The following METTL15 variants were observed in gnomAD, a reference collection of about 807,000 sequenced individuals.
METTL15 encodes 12S rRNA N(4)-cytidine methyltransferase METTL15.
A neutral mutation model predicts 38.3 loss-of-function variants in METTL15; 34 were observed. The ratio of observed to expected loss-of-function variants is 0.89; its 90% confidence interval spans 0.68 to 1.18. METTL15 has a LOEUF of 1.18. Among genes scored for constraint, METTL15 ranks in the 50% most tolerant of loss-of-function variants. The probability of loss-of-function intolerance (pLI) is 0.00; values close to 1 mark genes in which losing one functional copy is unlikely to be tolerated. For synonymous variants in METTL15, 162 were observed against 170.9 expected, an observed-to-expected ratio of 0.95 and a Z score of 0.41; for missense variants, 438 against 498.4, an observed-to-expected ratio of 0.88 and a Z score of 1.15.
At chr11:28,122,243 G>T in intron 3 of METTL15, 1 of 1,107,506 alleles carries the variant, frequency 9.0e-7, no homozygotes. Context: ...AAAATGCTTT[G>T]TTCATATCAT....
At chr11:28,452,496 A>G (rs1198038361) in intron 6 of METTL15, among the ~76,000 whole-genome samples, 1 of 152,230 alleles carries the variant, frequency 6.6e-6, no homozygotes, top group Non-Finnish European at 1.5e-5. Context: ...TATGTGATAC[A>G]TAACAGGGTA....
intron 6 of METTL15, among the ~76,000 whole-genome samples, chr11:28,435,524 C>T (rs2133435616): frequency 6.6e-6 from 1 of 152,294 alleles, no homozygotes; most frequent in South Asian, 2.1e-4. Context: ...TGGCATGTCT[C>T]TTCCACTTTT....
intron 5 of METTL15, among the ~76,000 whole-genome samples, chr11:28,397,332 A>G (rs1239645775): frequency 6.6e-6 from 1 of 152,100 alleles, no homozygotes; most frequent in Non-Finnish European, 1.5e-5. Context: ...AAATTTTTGC[A>G]ATCTACTCAT....
intron 3 of METTL15, chr11:28,134,478 C>G (rs1003925798): frequency 7.5e-6 from 3 of 398,086 alleles, no homozygotes; most frequent in Non-Finnish European, 1.3e-5. Context: ...GTTGGAGGTT[C>G]TCCAGGGATC....
At chr11:28,296,450 G>A (rs886188100) in intron 5 of METTL15, among the ~76,000 whole-genome samples, 1 of 152,026 alleles carries the variant, frequency 6.6e-6, no homozygotes, top group African/African-American at 2.4e-5. Flanking sequence ...CATTGTTTTA[G>A]TTTGAGAAAA....
chr11:28,197,155 G>T (rs984498638), intron 3 of METTL15, among the ~76,000 whole-genome samples: 1 of 151,718 alleles, frequency 6.6e-6, no homozygotes, highest in African/African-American at 2.4e-5. Context: ...TAATTTTGCC[G>T]TAGTTCAGAT....
At chr11:28,391,139 TG>T (rs1564917218) in intron 5 of METTL15, among the ~76,000 whole-genome samples, 1 of 152,056 alleles carries the variant, frequency 6.6e-6, no homozygotes, top group Non-Finnish European at 1.5e-5. Context: ...GCTGAGACAA[TG>T]GGGTTTTCTA....
chr11:28,414,917 T>C (rs958746090), intron 5 of METTL15, among the ~76,000 whole-genome samples: 2 of 152,174 alleles, frequency 1.3e-5, no homozygotes, highest in African/African-American at 2.4e-5. Flanking sequence ...AGAAAATACA[T>C]TGTGTTGTGA....
chr11:28,250,596 A>G (rs1854701276), intron 4 of METTL15, among the ~76,000 whole-genome samples: 2 of 151,550 alleles, frequency 1.3e-5, no homozygotes. Flanking sequence ...TTCCTACATC[A>G]TTTGCTTCTT....
intron 3 of METTL15, among the ~76,000 whole-genome samples, chr11:28,210,833 G>A (rs1022944857): frequency 6.6e-6 from 1 of 152,016 alleles, no homozygotes; most frequent in East Asian, 1.9e-4. Flanking sequence ...TAGCCAGTCT[G>A]TGTTAGAGGT....
intron 6 of METTL15, among the ~76,000 whole-genome samples, chr11:28,448,821 T>C (rs1273386077): frequency 1.3e-5 from 2 of 151,626 alleles, no homozygotes; most frequent in Non-Finnish European, 1.5e-5. Flanking sequence ...AGTTAATAGA[T>C]GGCAAAAGCT....
rs561129347 is a variant in METTL15 at position 28,413,404 on chromosome 11, T to TA, written c.*359-10888dup. ...GATTTTGGAAAGACACATTTCCACT[T>TA]AAAAAAAGATTTATATTCGTTTCCT... is the stretch of plus-strand genomic sequence containing the variant. On this transcript the variant is annotated intron_variant and NMD_transcript_variant, in intron 5 of 7. Coordinates refer to the METTL15 transcript ENST00000532947. 7.2e-5 allele frequency among the ~76,000 whole-genome samples: 11 copies of TA among 152,240 alleles called. No homozygotes were observed. The South Asian group carries it at 2.3e-3, about 32-fold the overall frequency.
At chr11:28,127,602 C>T (rs1852551238) in intron 3 of METTL15, among the ~76,000 whole-genome samples, 1 of 152,086 alleles carries the variant, frequency 6.6e-6, no homozygotes, top group Non-Finnish European at 1.5e-5. Flanking sequence ...CCAAAACACC[C>T]ACATGCTGAT....
chr11:28,178,553 C>T (rs1462128303), intron 3 of METTL15, among the ~76,000 whole-genome samples: 4 of 151,810 alleles, frequency 2.6e-5, no homozygotes, highest in Non-Finnish European at 5.9e-5. Flanking sequence ...ATTATCATTA[C>T]TCTTTCCCTA....
intron 3 of METTL15, among the ~76,000 whole-genome samples, chr11:28,199,321 A>G (rs778691032): frequency 2.4e-4 from 36 of 152,136 alleles, no homozygotes; most frequent in Non-Finnish European, 4.3e-4. Flanking sequence ...GCCCTCTTAC[A>G]TTAAGTAGCT....
At chr11:28,369,100 A>G (rs1333910443) in intron 5 of METTL15, among the ~76,000 whole-genome samples, 1 of 152,088 alleles carries the variant, frequency 6.6e-6, no homozygotes, top group Admixed American at 6.5e-5. Context: ...CTGTATACCT[A>G]TGTAGCAAAA....
At chr11:28,175,867 A>G (rs1171976670) in intron 3 of METTL15, among the ~76,000 whole-genome samples, 1 of 152,114 alleles carries the variant, frequency 6.6e-6, no homozygotes, top group African/African-American at 2.4e-5. Flanking sequence ...CGTGCCCTCA[A>G]GAATCTCATA....
At chr11:28,412,421 G>A (rs1420464177) in intron 5 of METTL15, among the ~76,000 whole-genome samples, 1 of 151,658 alleles carries the variant, frequency 6.6e-6, no homozygotes. Context: ...GAGAGACAGA[G>A]AGAGAGAGAG....
At chr11:28,314,758 G>A (rs1456672241) in intron 6 of METTL15, among the ~76,000 whole-genome samples, 1 of 152,152 alleles carries the variant, frequency 6.6e-6, no homozygotes, top group African/African-American at 2.4e-5. Flanking sequence ...TATTGTGGGA[G>A]GGAACCCAGT....
Sources: allele counts gnomAD v4.1 joint callset (sites outside exome capture counted in the v4.1 genomes callset), GRCh38; gene constraint gnomAD v4.1.1; transcripts MANE v1.5; gene names NCBI Gene and HGNC (gene_info 2026-07-23, HGNC 2026-07-21).